Variants in PDGFRB observed in about 807,000 individuals in gnomAD.
PDGFRB encodes the protein platelet-derived growth factor receptor beta.
A neutral mutation model predicts 120.2 loss-of-function variants in PDGFRB; 42 were observed. The observed-to-expected ratio is 0.35, with a 90% confidence interval of 0.27 to 0.45. PDGFRB has a LOEUF of 0.45. Ranked by LOEUF, PDGFRB falls within the 20% of genes least tolerant of loss-of-function variation. The pLI is 1.00. For synonymous variants in PDGFRB, 586 were observed against 606.8 expected (o/e 0.97, Z 0.50); for missense variants, 1,149 against 1,476.3 (o/e 0.78, Z 3.63).
At chr5:150,153,597 G>A (rs759948008) in intron 1 of PDGFRB, 1 of 152,266 alleles carries the variant, frequency 6.6e-6, no homozygotes, top group East Asian at 1.9e-4. Context: ...GGACTCCAAG[G>A]TGTGTGAAGT....
chr5:150,155,747 C>G lies in PDGFRB; in HGVS notation c.-357G>C, dbSNP rs1018504401. On this transcript the variant is annotated 5_prime_UTR_variant, in exon 1 of 23. Transcript: ENST00000261799. ...CTGCTGGGCAGCAGGGCTGAGGGGC[C>G]GGCTCTCTCCTCCTCCTTGTTGATC... The G allele has an allele frequency of 7.5e-6, 3 of 398,496 alleles. No homozygotes were observed. Among genetic ancestry groups the G allele is most frequent in the South Asian group, 2.5e-4 (2 of 7,858 alleles). 24.7% of individuals were successfully genotyped at this position (398,496 alleles called of 1,614,324 possible). A position where few individuals can be genotyped will look rare whatever the true frequency, so the allele number is the denominator to read the frequency against.
chr5:150,122,188 A>C lies in PDGFRB; in HGVS notation c.2184-148T>G, dbSNP rs2304060. ...CCAGTAGGAAAGCCTGTGGATCAAG[A>C]CTTTTCAACCAACCTGCTGGGCCAA... On this transcript the variant is annotated intron_variant, in intron 15 of 22. Coordinates refer to ENST00000261799, the MANE Select transcript of PDGFRB (RefSeq NM_002609.4). 0.51 allele frequency: 326,598 copies of C among 645,316 alleles called. 86,131 individuals carry two copies. Among genetic ancestry groups the C allele is most frequent in the African/African-American group, 0.76 (41,981 of 54,938 alleles). The allele number at this position is 645,316 out of a possible 1,614,324, so 40.0% of individuals were successfully genotyped here. A position where few individuals can be genotyped will look rare whatever the true frequency, so the allele number is the denominator to read the frequency against.
intron 13 of PDGFRB, 34 bp downstream of exon 13, chr5:150,124,693 G>A (rs1760243565): frequency 9.8e-7 from 1 of 1,019,482 alleles, no homozygotes; most frequent in Non-Finnish European, 1.5e-6. Flanking sequence ...GAGAGGTGAA[G>A]GCCCAGATGT....
chr5:150,120,065 G>C lies in PDGFRB; in HGVS notation c.2645C>G (p.Thr882Ser), dbSNP rs1333821635. The change falls in exon 19 of 23, where the codon ACC (threonine) becomes AGC (serine). Residue 882 changes from threonine to serine, a missense_variant. By Grantham distance (58) the Thr-to-Ser change is moderately conservative (BLOSUM62 1). Transcript: ENST00000261799. The surrounding 1 kb of genome is among the most constrained non-coding windows in gnomAD (Gnocchi z 4.3). Reference protein sequence around the residue: ...PESIFNSLYTTLSDVWSFGIL... With the variant: ...PESIFNSLYTSLSDVWSFGIL... ...CCCGAAGGACCACACGTCGCTCAGG[G>C]TGGTGTAGAGGCTGTTGAAGATGCT... 2 of 1,608,944 alleles carry C rather than the reference G, an allele frequency of 1.2e-6. No individual in the cohort carries two copies. The highest frequency in any genetic ancestry group is 1.7e-6 in the Non-Finnish European group (2 of 1,175,356).
intron 14 of PDGFRB, among the ~76,000 whole-genome samples, 190 bp from the exon 15 acceptor site, chr5:150,123,391 C>G (rs1383496644): frequency 6.6e-6 from 1 of 152,170 alleles, no homozygotes; most frequent in Non-Finnish European, 1.5e-5. Flanking sequence ...TCTCCCTGAG[C>G]CTTACCTTCC....
rs770212293 is a variant in PDGFRB, at chr5:150,120,946, C to T, written c.2528G>A (p.Cys843Tyr). The T allele has an allele frequency of 6.2e-7, 1 of 1,613,860 alleles. No individual in the cohort carries two copies. Among genetic ancestry groups the T allele is most frequent in the African/African-American group, 1.3e-5 (1 of 74,906 alleles). The stretch of plus-strand genomic sequence containing the variant: ...GATGTCTCGAGCCAGGCCAAAGTCA[C>T]AGATCTTGACCAGCTTGCCTTCACA... ...LICEGKLVKI[C>Y]DFGLARDIMR... The change falls in exon 18 of 23, where the codon TGT becomes TAT. Residue 843 changes from cysteine (C) to tyrosine (Y), a missense_variant. Physicochemically the swap from Cys to Tyr is radical, Grantham distance 194 (BLOSUM62 -2). This residue lies in a region of PDGFRB where 68 missense variants were observed against 153.3 expected (regional missense o/e 0.44). Transcript: ENST00000261799. This position sits in a 1 kb window ranked among gnomAD's most constrained non-coding sequence, Gnocchi z 4.3.
In PDGFRB at chr5:150,124,752, C is replaced by T. The variant is rs2113895820; in HGVS notation, c.1887G>A (p.Met629Ile). 1 of 1,593,386 alleles carries T rather than the reference C, an allele frequency of 6.3e-7. No individual in the cohort carries two copies. The highest frequency in any genetic ancestry group is 8.6e-7 in the Non-Finnish European group (1 of 1,162,508). Reference sequence around the variant, plus strand: ...ATTTAAGCATCTTGACGGCCACTTTCATCGTGGCCTGAGAATGGCTCAGGC... The same window carrying T: ...ATTTAAGCATCTTGACGGCCACTTTTATCGTGGCCTGAGAATGGCTCAGGC... Reference protein sequence around the residue: ...AHGLSHSQATMKVAVKMLKST... With the variant: ...AHGLSHSQATIKVAVKMLKST... Residue 629 changes from methionine (M) to isoleucine (I), a missense_variant, in exon 13 of 23, where the codon ATG becomes ATA. By Grantham distance (10) the Met-to-Ile change is conservative (BLOSUM62 1). This residue lies in a region of PDGFRB where 879 missense variants were observed against 1,108.6 expected (regional missense o/e 0.79). Coordinates refer to ENST00000261799, the MANE Select transcript of PDGFRB (RefSeq NM_002609.4).
Position 150,132,686 on chromosome 5 carries a change from G to A in PDGFRB, c.1127+64C>T, listed in dbSNP as rs1006310538. ...GCCTAGGTTTGTGGCTGAAAGCCGA[G>A]GGCTGCCTGGCGGCTGCAAAGAAAA... On this transcript the variant is annotated intron_variant, in intron 7 of 22. Transcript: ENST00000261799. This position sits in a 1 kb window ranked among gnomAD's most constrained non-coding sequence, Gnocchi z 5.0. 1.5e-5 allele frequency: 23 copies of A among 1,491,012 alleles called. No individual in the cohort carries two copies. The highest frequency in any genetic ancestry group is 2.0e-5 in the Non-Finnish European group (22 of 1,099,646). 92.4% of individuals were successfully genotyped at this position (1,491,012 alleles called of 1,614,324 possible). A position where few individuals can be genotyped will look rare whatever the true frequency, so the allele number is the denominator to read the frequency against.
intron 6 of PDGFRB, among the ~76,000 whole-genome samples, chr5:150,133,351 C>T (rs1434086283): frequency 6.6e-6 from 1 of 152,090 alleles, no homozygotes; most frequent in Non-Finnish European, 1.5e-5. Context: ...GCTGACACTA[C>T]ATTTTGGTTT....
rs188961408 is a variant in PDGFRB, at chr5:150,139,721, C to A, written c.-6-2668G>T. On this transcript the variant is annotated intron_variant, in intron 1 of 22. Coordinates refer to ENST00000261799, the MANE Select transcript of PDGFRB (RefSeq NM_002609.4). The stretch of plus-strand genomic sequence containing the variant: ...CCAAGGCTGGGCATGGTGGCTCATG[C>A]CTGTAATCCCAGCACTTTGGGAGGC... Among the ~76,000 whole-genome samples, 2 of 152,272 alleles carry A rather than the reference C, an allele frequency of 1.3e-5. 1 individual carries two copies. The highest frequency in any genetic ancestry group is 1.3e-4 in the Admixed American group (2 of 15,290).
In PDGFRB at chr5:150,124,821, G is replaced by A. The variant is rs199649903; in HGVS notation, c.1818C>T (p.Leu606=). 100 of 1,592,336 alleles carry A rather than the reference G, an allele frequency of 6.3e-5. 1 individual carries two copies. The Admixed American group carries it at 7.7e-4, about 12-fold the overall frequency. The change falls in exon 13 of 23, where the codon CTC becomes CTT. Residue 606 remains leucine (L), a synonymous_variant. Coordinates refer to ENST00000261799, the MANE Select transcript of PDGFRB (RefSeq NM_002609.4). ...CCACCTGCCCAAAGGCCCCAGAGCCGAGGGTGCGTCCTGGTGCAGAGATGA... is the reference window on the plus strand; with the variant it reads ...CCACCTGCCCAAAGGCCCCAGAGCCAAGGGTGCGTCCTGGTGCAGAGATGA... ...PRDQLVLGRT[L]GSGAFGQVVE...
chr5:150,128,723 C>T (rs912942072), intron 10 of PDGFRB, among the ~76,000 whole-genome samples: 4 of 152,206 alleles, frequency 2.6e-5, no homozygotes, highest in Non-Finnish European at 5.9e-5. Flanking sequence ...AGAATACTTT[C>T]CTGAATCCCA....
In PDGFRB at chr5:150,133,022, G is replaced by T. The variant is rs534817566; in HGVS notation, c.935-80C>A. 43 of 989,900 alleles carry T rather than the reference G, an allele frequency of 4.3e-5. No individual in the cohort carries two copies. In the South Asian group the frequency reaches 6.6e-4, roughly 15 times the overall value. 61.3% of individuals were successfully genotyped at this position (989,900 alleles called of 1,614,324 possible). A position where few individuals can be genotyped will look rare whatever the true frequency, so the allele number is the denominator to read the frequency against. On this transcript the variant is annotated intron_variant, in intron 6 of 22. Transcript: ENST00000261799. Reference sequence around the variant, plus strand: ...CCCAAAGGAGGCCAGCCTGTGGGGTGGGGCTTCAGGCCTGGGGACCGTGCC... The same window carrying T: ...CCCAAAGGAGGCCAGCCTGTGGGGTTGGGCTTCAGGCCTGGGGACCGTGCC...
rs572529404 is a variant in PDGFRB at position 150,129,839 on chromosome 5, G to A, written c.1497C>T (p.His499=). 6.2e-6 allele frequency: 10 copies of A among 1,614,124 alleles called. No homozygotes were observed. Among genetic ancestry groups the A allele is most frequent in the South Asian group, 2.2e-5 (2 of 91,088 alleles). Reference sequence around the variant, plus strand: ...AGCGCACCGACAGTGGCCGATCCACGTGCTGCAGACGCAGTGTGCTCACCA... The same window carrying A: ...AGCGCACCGACAGTGGCCGATCCACATGCTGCAGACGCAGTGTGCTCACCA... ...FEVVSTLRLQ[H]VDRPLSVRCT... The change falls in exon 10 of 23, where the codon CAC becomes CAT. Residue 499 remains histidine, a synonymous_variant. Transcript: ENST00000261799.
At chr5:150,142,671 T>C (rs1286223012) in intron 1 of PDGFRB, among the ~76,000 whole-genome samples, 1 of 149,754 alleles carries the variant, frequency 6.7e-6, no homozygotes, top group Admixed American at 6.6e-5. Flanking sequence ...CCCCAGTAGA[T>C]GCCTGAAACT....
chr5:150,120,138 G>C lies in PDGFRB; in HGVS notation c.2587-15C>G, dbSNP rs1760085028. 1 of 1,203,860 alleles carries C rather than the reference G, an allele frequency of 8.3e-7. No homozygotes were observed. Among genetic ancestry groups the C allele is most frequent in the South Asian group, 1.2e-5 (1 of 82,978 alleles). The allele number at this position is 1,203,860 out of a possible 1,614,324, so 74.6% of individuals were successfully genotyped here. A position where few individuals can be genotyped will look rare whatever the true frequency, so the allele number is the denominator to read the frequency against. On this transcript the variant is annotated splice_polypyrimidine_tract_variant and intron_variant, in intron 18 of 22. Coordinates refer to ENST00000261799, the MANE Select transcript of PDGFRB (RefSeq NM_002609.4). The surrounding 1 kb of genome is among the most constrained non-coding windows in gnomAD (Gnocchi z 4.3). ...GGCAAAAAGGTCTGTAGGGAGGTCA[G>C]GACAGGTGCTGAGTGCAAGGAAGGA...
At position 150,115,733 on chromosome 5, in the gene PDGFRB, T is replaced by A; in HGVS notation, c.*30A>T. The A allele has an allele frequency of 6.5e-7, 1 of 1,533,966 alleles. No homozygotes were observed. Among genetic ancestry groups the A allele is most frequent in the South Asian group, 1.3e-5 (1 of 79,106 alleles). ...TGCTGGGTGCTGGCAGGGGGGGAGC[T>A]TCAGGCAGGGCAGGGTAGGGGCCAG... On this transcript the variant is annotated 3_prime_UTR_variant, in exon 23 of 23. Coordinates refer to ENST00000261799, the MANE Select transcript of PDGFRB (RefSeq NM_002609.4).
chr5:150,119,986 A>AG (rs1760079137), intron 19 of PDGFRB, 26 bp downstream of exon 19: 1 of 1,139,494 alleles, frequency 8.8e-7, no homozygotes, highest in Non-Finnish European at 1.3e-6. Flanking sequence ...CAGGATGCTG[A>AG]GGGCTGGAGG....
intron 1 of PDGFRB, chr5:150,137,274 T>G: frequency 1.9e-6 from 1 of 517,134 alleles, no homozygotes; most frequent in Non-Finnish European, 3.4e-6. Context: ...TCCTGGCCTT[T>G]GCTTTGGCTC....
Sources: gnomAD v4.1 joint callset for allele counts (sites outside exome capture counted in the v4.1 genomes callset) on GRCh38, gnomAD v4.1.1 for gene constraint, gnomAD v4.1.1 regional missense constraint, Gnocchi (gnomAD v3.1) non-coding constraint, MANE v1.5 for transcripts, NCBI Gene and HGNC (gene_info 2026-07-23, HGNC 2026-07-21) for gene names.